The following PCSK6 variants were observed in gnomAD, a reference collection of about 807,000 sequenced individuals.
PCSK6 encodes paired basic amino acid cleaving enzyme 4.
Under a neutral mutation model 123.3 loss-of-function variants are expected in PCSK6, and 85 were observed. The ratio of observed to expected loss-of-function variants is 0.69; its 90% CI spans 0.58 to 0.83. PCSK6 has a LOEUF of 0.83. Ranked by LOEUF, PCSK6 falls within the 40% of genes least tolerant of loss-of-function variation. PCSK6 has a pLI of 0.00. For missense variants in PCSK6, 1,191 were observed against 1,282.3 expected (o/e 0.93, Z 1.09); for synonymous variants, 508 against 516.0 (o/e 0.98, Z 0.21).
chr15:101,429,345 T>C (rs1038011337), intron 5 of PCSK6, among the ~76,000 whole-genome samples: 6 of 152,050 alleles, frequency 3.9e-5, no homozygotes, highest in Non-Finnish European at 8.8e-5. Context: ...AAAATGACAG[T>C]GACACAAAAA....
At chr15:101,458,770 G>A (rs1037945045) in intron 1 of PCSK6, among the ~76,000 whole-genome samples, 44 of 152,224 alleles carry the variant, frequency 2.9e-4, no homozygotes, top group Middle Eastern at 3.4e-3. Context: ...TCTCTGCGAC[G>A]CGTCTAATTA....
intron 13 of PCSK6, chr15:101,337,077 T>C (rs1470583892): frequency 6.6e-6 from 1 of 152,070 alleles, no homozygotes; most frequent in East Asian, 1.9e-4. Flanking sequence ...CCATCTCAGC[T>C]CACTGCAAGC....
At chr15:101,339,932 T>A (rs933882238) in intron 13 of PCSK6, among the ~76,000 whole-genome samples, 2 of 149,580 alleles carry the variant, frequency 1.3e-5, no homozygotes, top group African/African-American at 4.9e-5. Flanking sequence ...TATATATATA[T>A]AAAATTACAC....
At chr15:101,486,274 C>G (rs973142357) in intron 1 of PCSK6, among the ~76,000 whole-genome samples, 1 of 152,106 alleles carries the variant, frequency 6.6e-6, no homozygotes, top group Admixed American at 6.5e-5. Context: ...TTTTCTCAGT[C>G]CTTCTTCTAA....
chr15:101,479,330 C>T (rs1258336527), intron 1 of PCSK6, among the ~76,000 whole-genome samples: 1 of 152,194 alleles, frequency 6.6e-6, no homozygotes, highest in African/African-American at 2.4e-5. Context: ...GTCAAAGGCC[C>T]GGACTTCATG....
intron 1 of PCSK6, among the ~76,000 whole-genome samples, chr15:101,487,503 G>C (rs2058046789): frequency 6.6e-6 from 1 of 151,978 alleles, no homozygotes; most frequent in Admixed American, 6.6e-5. Flanking sequence ...CAAGGGTTAG[G>C]CATTTTTATT....
intron 7 of PCSK6, among the ~76,000 whole-genome samples, chr15:101,394,914 G>A (rs1267385591): frequency 6.6e-6 from 1 of 152,216 alleles, no homozygotes; most frequent in Non-Finnish European, 1.5e-5. Context: ...ACCTGTCGGG[G>A]TGGCCAAGAG....
At chr15:101,359,574 G>A (rs2041151002) in intron 13 of PCSK6, among the ~76,000 whole-genome samples, 1 of 152,266 alleles carries the variant, frequency 6.6e-6, no homozygotes, top group South Asian at 2.1e-4. Flanking sequence ...CGGAAGGAAG[G>A]AAGGCTGCAG....
intron 19 of PCSK6, among the ~76,000 whole-genome samples, chr15:101,317,297 G>C (rs1200820289): frequency 6.6e-6 from 1 of 152,176 alleles, no homozygotes; most frequent in Non-Finnish European, 1.5e-5. Context: ...ACCAAGGACA[G>C]GAAGGAGAGA....
At chr15:101,425,430 T>G (rs1205358819) in intron 6 of PCSK6, among the ~76,000 whole-genome samples, 1 of 152,212 alleles carries the variant, frequency 6.6e-6, no homozygotes, top group Non-Finnish European at 1.5e-5. Context: ...GGAATTTCCC[T>G]GGGATGTCCC....
Position 101,402,494 on chromosome 15 carries a change from C to T in PCSK6, c.824-3918G>A, listed in dbSNP as rs372258803. On this transcript the variant is annotated intron_variant, in intron 6 of 21. Coordinates refer to ENST00000611716, the MANE Select transcript of PCSK6 (RefSeq NM_002570.5). ...CAGAGTGAACAGGCAACCTACAAAA[C>T]GGGAGAAAATTTTCGCAACCTACTC... 7.8e-4 allele frequency among the ~76,000 whole-genome samples: 119 copies of T among 152,152 alleles called. No individual in the cohort carries two copies. The South Asian group carries it at 8.9e-3, about 11-fold the overall frequency.
chr15:101,391,991 A>C (rs1356084924), intron 8 of PCSK6, among the ~76,000 whole-genome samples: 2 of 152,272 alleles, frequency 1.3e-5, no homozygotes, highest in Admixed American at 6.5e-5. Context: ...TCACACGCTG[A>C]CGTGATTCGT....
intron 2 of PCSK6, among the ~76,000 whole-genome samples, chr15:101,439,234 C>T (rs1245202130): frequency 1.3e-5 from 2 of 152,204 alleles, no homozygotes; most frequent in Non-Finnish European, 1.5e-5. Context: ...TGAGCGCTTC[C>T]CTCTGAGACA....
At position 101,313,450 on chromosome 15, in the gene PCSK6, C is replaced by G. The variant is rs1269852021; in HGVS notation, c.2625G>C (p.Trp875Cys). 1 of 1,612,008 alleles carries G rather than the reference C, an allele frequency of 6.2e-7. No homozygotes were observed. Among genetic ancestry groups the G allele is most frequent in the African/African-American group, 1.3e-5 (1 of 74,952 alleles). The change falls in exon 20 of 22, where the codon TGG (tryptophan) becomes TGC (cysteine). Residue 875 changes from tryptophan to cysteine, a missense_variant. Trp to Cys is a radical substitution (Grantham distance 215). Transcript: ENST00000611716. ...HCAKNFHFHDWKCVPACGEGF... is the reference protein window; with the variant it reads ...HCAKNFHFHDCKCVPACGEGF... ...CCTCACCACAGGCTGGCACACACTT[C>G]CAGTCGTGGAAGTGGAAGTTTTTCG...
chr15:101,417,885 T>C (rs183844476), intron 6 of PCSK6, among the ~76,000 whole-genome samples: 4 of 140,560 alleles, frequency 2.8e-5, no homozygotes, highest in Admixed American at 2.2e-4. Context: ...AATTTTAACT[T>C]TTACTTTAGA....
rs57330977 is a variant in PCSK6 at position 101,401,004 on chromosome 15, C to G, written c.824-2428G>C. Among the ~76,000 whole-genome samples, 8 of 152,070 alleles carry G rather than the reference C, an allele frequency of 5.3e-5. No homozygotes were observed. The East Asian group carries it at 1.5e-3, about 29-fold the overall frequency. ...TCACCAAAGGCAGTTCTTGGGAGGCCAGGTAGGATAGTTGGTGGTGGGAGA... is the reference window on the plus strand; with the variant it reads ...TCACCAAAGGCAGTTCTTGGGAGGCGAGGTAGGATAGTTGGTGGTGGGAGA... On this transcript the variant is annotated intron_variant, in intron 6 of 21. Transcript: ENST00000611716.
chr15:101,489,377 G>A lies in PCSK6; in HGVS notation c.294C>T (p.Gly98=). ...VAAAHGYLNL[G]QIGNLEDYYH... Reference sequence around the variant, plus strand: ...GCGCGGGGCCGGCCGCACTCACCTGGCCCAAGTTGAGGTACCCGTGCGCCG... The same window carrying A: ...GCGCGGGGCCGGCCGCACTCACCTGACCCAAGTTGAGGTACCCGTGCGCCG... Residue 98 remains glycine (G), a synonymous_variant, in exon 1 of 22, where the codon GGC becomes GGT. Transcript: ENST00000611716. 1 of 1,243,018 alleles carries A rather than the reference G, an allele frequency of 8.0e-7. No individual in the cohort carries two copies. Among genetic ancestry groups the A allele is most frequent in the Non-Finnish European group, 1.0e-6 (1 of 980,900 alleles). 77.0% of individuals were successfully genotyped at this position (1,243,018 alleles called of 1,614,324 possible).
At chr15:101,356,595 G>A (rs1014208817) in intron 13 of PCSK6, among the ~76,000 whole-genome samples, 6 of 151,254 alleles carry the variant, frequency 4.0e-5, no homozygotes, top group African/African-American at 7.3e-5. Flanking sequence ...CAGAAGAATC[G>A]CTTAAACCTG....
At chr15:101,358,490 G>A (rs565514238) in intron 13 of PCSK6, among the ~76,000 whole-genome samples, 12 of 152,320 alleles carry the variant, frequency 7.9e-5, no homozygotes, top group Non-Finnish European at 1.2e-4. Flanking sequence ...CCTGAAATCC[G>A]AAATGTTCCC....
Sources: gnomAD v4.1 joint callset for allele counts (sites outside exome capture counted in the v4.1 genomes callset) on GRCh38, gnomAD v4.1.1 for gene constraint, MANE v1.5 for transcripts, NCBI Gene and HGNC (gene_info 2026-07-23, HGNC 2026-07-21) for gene names.